RAPGEF6: variants seen among roughly 807,000 people sequenced by gnomAD.
RAPGEF6 encodes PDZ domain containing guanine nucleotide exchange factor (GEF) 2.
In RAPGEF6, 56 loss-of-function variants were observed where a neutral mutation model predicts 171.4. That is an observed-to-expected ratio of 0.33 (90% confidence interval 0.26 to 0.41). RAPGEF6 has a LOEUF of 0.41. RAPGEF6 is among the 10% of genes least tolerant of loss of function. The pLI is 1.00. For synonymous variants in RAPGEF6, 692 were observed against 650.1 expected (o/e 1.06, Z -0.98); for missense variants, 1,674 against 1,921.4 (o/e 0.87, Z 2.41).
Position 131,592,371 on chromosome 5 carries a change from A to G in RAPGEF6, c.281+12T>C, listed in dbSNP as rs148149639. 1.0e-3 allele frequency: 1,668 copies of G among 1,612,356 alleles called. 11 individuals carry two copies. In the African/African-American group the frequency reaches 0.011, roughly 10 times the overall value. ...ATTAACTTTGCCTGCCATATAGCAAATGTAAACGTACCTGCAAGGAGGCAA... is the reference window on the plus strand; with the variant it reads ...ATTAACTTTGCCTGCCATATAGCAAGTGTAAACGTACCTGCAAGGAGGCAA... On this transcript the variant is annotated intron_variant, in intron 4 of 27. Transcript: ENST00000509018.
chr5:131,469,699 C>T, intron 17 of RAPGEF6: 2 of 844,974 alleles, frequency 2.4e-6, no homozygotes, highest in Non-Finnish European at 3.5e-6. Flanking sequence ...AAAAGTTGTG[C>T]TTACTACTTC....
Position 131,510,405 on chromosome 5 carries a change from T to C in RAPGEF6, c.714A>G (p.Glu238=). 6.2e-7 allele frequency: 1 copy of C among 1,614,160 alleles called. No homozygotes were observed. Among genetic ancestry groups the C allele is most frequent in the East Asian group, 2.2e-5 (1 of 44,874 alleles). Residue 238 remains glutamate (E), a synonymous_variant, in exon 8 of 28, where the codon GAA becomes GAG. Transcript: ENST00000509018. ...GCAATGGATCTGTTCGATCAATCTC[T>C]TCATCTTCCTCTTCGTCATCCTCAG... ...VDSEDDEEED[E]EIDRTDPLQG...
chr5:131,466,442 G>C (rs1021901483), intron 17 of RAPGEF6, among the ~76,000 whole-genome samples: 7 of 152,144 alleles, frequency 4.6e-5, no homozygotes, highest in African/African-American at 1.4e-4. Context: ...CATACTTCTT[G>C]AAAGGTTTGG....
intron 1 of RAPGEF6, among the ~76,000 whole-genome samples, chr5:131,634,016 T>G (rs987075579): frequency 1.3e-5 from 2 of 152,212 alleles, no homozygotes; most frequent in Admixed American, 1.3e-4. Context: ...ATGGCTTCCG[T>G]TGTGACCTGA....
At chr5:131,452,219 C>CAAA (rs11464750) in intron 21 of RAPGEF6, among the ~76,000 whole-genome samples, 3 of 143,396 alleles carry the variant, frequency 2.1e-5, no homozygotes, top group Admixed American at 6.9e-5. Flanking sequence ...GACTCCGTCT[C>CAAA]AAAAAAAAAA....
chr5:131,456,253 C>T (rs1460138116), intron 19 of RAPGEF6, among the ~76,000 whole-genome samples: 1 of 152,096 alleles, frequency 6.6e-6, no homozygotes, highest in Non-Finnish European at 1.5e-5. Context: ...ATTTATTTTA[C>T]AGTTTCATTT....
chr5:131,595,576 A>C (rs1763848844), intron 3 of RAPGEF6, among the ~76,000 whole-genome samples: 1 of 152,206 alleles, frequency 6.6e-6, no homozygotes, highest in Non-Finnish European at 1.5e-5. Flanking sequence ...GCAGATACAC[A>C]AAGGAGAAAG....
At chr5:131,569,578 C>T (rs936903930) in intron 4 of RAPGEF6, among the ~76,000 whole-genome samples, 1 of 152,118 alleles carries the variant, frequency 6.6e-6, no homozygotes, top group Admixed American at 6.5e-5. Context: ...GGATCACAGA[C>T]CAAAATGTAA....
intron 23 of RAPGEF6, among the ~76,000 whole-genome samples, chr5:131,440,398 A>T (rs1356363221): frequency 6.6e-6 from 1 of 152,174 alleles, no homozygotes; most frequent in African/African-American, 2.4e-5. Flanking sequence ...TTTTACATTC[A>T]TCTTCTCTAA....
chr5:131,426,933 T>C lies in RAPGEF6; in HGVS notation c.*333A>G, dbSNP rs965256596. ...AATAATAATGCCATTATCTTTAAAATAGCTTGTTAAAGAAAAATCTATAGC... is the reference window on the plus strand; with the variant it reads ...AATAATAATGCCATTATCTTTAAAACAGCTTGTTAAAGAAAAATCTATAGC... On this transcript the variant is annotated 3_prime_UTR_variant, in exon 28 of 28. Coordinates refer to ENST00000509018, the MANE Select transcript of RAPGEF6 (RefSeq NM_016340.6). 3.3e-5 allele frequency: 9 copies of C among 268,942 alleles called. No homozygotes were observed. The Admixed American group carries it at 3.8e-4, about 11-fold the overall frequency. The allele number at this position is 268,942 out of a possible 1,614,324, so 16.7% of individuals were successfully genotyped here.
intron 14 of RAPGEF6, among the ~76,000 whole-genome samples, chr5:131,492,200 A>C (rs182745178): frequency 6.4e-4 from 98 of 152,282 alleles, no homozygotes; most frequent in Middle Eastern, 3.4e-3. Flanking sequence ...ATTTGAGAGT[A>C]CTATGAGGTA....
intron 1 of RAPGEF6, among the ~76,000 whole-genome samples, chr5:131,626,049 C>A (rs897075932): frequency 3.3e-5 from 5 of 152,134 alleles, no homozygotes; most frequent in African/African-American, 4.8e-5. Flanking sequence ...AACCCTGCAA[C>A]GGTTCTTTCT....
chr5:131,559,403 CTAAG>C (rs1219112759), intron 5 of RAPGEF6, among the ~76,000 whole-genome samples: 3 of 152,110 alleles, frequency 2.0e-5, no homozygotes, highest in Non-Finnish European at 4.4e-5. Flanking sequence ...TCTGATTTTA[CTAAG>C]GACAATTTTT....
At chr5:131,493,117 C>CA (rs1240435677) in intron 13 of RAPGEF6, among the ~76,000 whole-genome samples, 1 of 152,052 alleles carries the variant, frequency 6.6e-6, no homozygotes, top group Non-Finnish European at 1.5e-5. Flanking sequence ...CAGGCTGGAG[C>CA]ACAGTGGCGC....
intron 9 of RAPGEF6, among the ~76,000 whole-genome samples, chr5:131,507,509 C>T (rs182257168): frequency 7.2e-5 from 11 of 152,190 alleles, no homozygotes; most frequent in African/African-American, 2.2e-4. Context: ...TTCCTGATGG[C>T]AATAATACCT....
At chr5:131,480,679 A>G (rs1755410735) in intron 15 of RAPGEF6, among the ~76,000 whole-genome samples, 1 of 152,048 alleles carries the variant, frequency 6.6e-6, no homozygotes, top group Non-Finnish European at 1.5e-5. Flanking sequence ...CGGTTTCCCC[A>G]TGTTGGCCAG....
intron 3 of RAPGEF6, among the ~76,000 whole-genome samples, chr5:131,595,553 T>C (rs1763847589): frequency 6.6e-6 from 1 of 151,406 alleles, no homozygotes; most frequent in African/African-American, 2.4e-5. Flanking sequence ...ATAGTAAACA[T>C]AAAGTAAGTA....
At chr5:131,601,826 G>A (rs1764274610) in intron 3 of RAPGEF6, among the ~76,000 whole-genome samples, 2 of 152,016 alleles carry the variant, frequency 1.3e-5, no homozygotes. Flanking sequence ...GAGGTCAGGA[G>A]ATCGAGACCA....
intron 24 of RAPGEF6, among the ~76,000 whole-genome samples, chr5:131,435,525 A>G (rs1751959714): frequency 6.6e-6 from 1 of 152,250 alleles, no homozygotes; most frequent in South Asian, 2.1e-4. Context: ...TGGCAAGCCA[A>G]TTAAAATAAA....
Sources: gnomAD v4.1 joint callset for allele counts (sites outside exome capture counted in the v4.1 genomes callset) on GRCh38, gnomAD v4.1.1 for gene constraint, MANE v1.5 for transcripts, NCBI Gene and HGNC (gene_info 2026-07-23, HGNC 2026-07-21) for gene names.